RAB11FIP3: variants seen among roughly 807,000 people sequenced by gnomAD.
RAB11FIP3 encodes rab11 family-interacting protein 3.
A neutral mutation model predicts 77.8 loss-of-function variants in RAB11FIP3; 17 were observed. The ratio of observed to expected loss-of-function variants is 0.22; its 90% confidence interval spans 0.15 to 0.33. The LOEUF is 0.33. Among genes scored for constraint, RAB11FIP3 ranks in the 10% least tolerant of loss-of-function variants. RAB11FIP3 has a pLI of 1.00. For missense variants in RAB11FIP3, 1,005 were observed against 1,011.2 expected (o/e 0.99, Z 0.08); for synonymous variants, 437 against 448.2 (o/e 0.98, Z 0.31).
Position 503,005 on chromosome 16 carries a change from T to C in RAB11FIP3, c.1303T>C (p.Tyr435His), listed in dbSNP as rs746807049. ...KRLSSKKVARYLHQSGALTME... is the reference protein window; with the variant it reads ...KRLSSKKVARHLHQSGALTME... ...TCTGTTGTTGTGCCTTTTCTGTAGG[T>C]ACCTGCACCAGTCAGGGGCCCTGAC... The change falls in exon 7 of 14, where the codon TAC (tyrosine) becomes CAC (histidine). Residue 435 changes from tyrosine (Y) to histidine (H), a missense_variant and splice_region_variant. Tyr to His is a moderately conservative substitution (Grantham distance 83). This residue lies in a region of RAB11FIP3 where 433 missense variants were observed against 436.1 expected (regional missense o/e 0.99). Coordinates refer to ENST00000262305, the MANE Select transcript of RAB11FIP3 (RefSeq NM_014700.4). 41 of 1,609,560 alleles carry C rather than the reference T, an allele frequency of 2.5e-5. No individual in the cohort carries two copies. The Admixed American group carries it at 6.8e-4, about 27-fold the overall frequency.
intron 10 of RAB11FIP3, among the ~76,000 whole-genome samples, chr16:519,340 A>C (rs1415053825): frequency 6.6e-6 from 1 of 152,160 alleles, no homozygotes; most frequent in Admixed American, 6.5e-5. Flanking sequence ...TGGGGCTCCC[A>C]CACCCCAGCT....
At chr16:467,894 A>T (rs1358862815) in intron 2 of RAB11FIP3, among the ~76,000 whole-genome samples, 9 of 25,400 alleles carry the variant, frequency 3.5e-4, no homozygotes, top group South Asian at 2.9e-3. Flanking sequence ...GAGGAGGTGC[A>T]GGGGCCTCAG....
chr16:431,667 A>C (rs1452964249), intron 1 of RAB11FIP3, among the ~76,000 whole-genome samples: 1 of 151,830 alleles, frequency 6.6e-6, no homozygotes, highest in Non-Finnish European at 1.5e-5. Flanking sequence ...GAGCCACCGC[A>C]CCTGGCCCAG....
chr16:455,472 CAA>C (rs761319817), intron 1 of RAB11FIP3, among the ~76,000 whole-genome samples: 37 of 113,262 alleles, frequency 3.3e-4, no homozygotes, highest in Admixed American at 1.9e-4. Flanking sequence ...GACTCTGTCT[CAA>C]AAAAAAAAAA....
Position 482,850 on chromosome 16 carries a change from T to C in RAB11FIP3, c.1115+114T>C, listed in dbSNP as rs572274588. On this transcript the variant is annotated intron_variant, in intron 4 of 13. Transcript: ENST00000262305. ...AGTGCGTGCTGGTTAGCATCCATTA[T>C]GTGGGGGTGGGGCTTGGCCCTGCAG... 13 of 1,166,786 alleles carry C rather than the reference T, an allele frequency of 1.1e-5. No homozygotes were observed. The African/African-American group carries it at 1.8e-4, about 16-fold the overall frequency. 72.3% of individuals were successfully genotyped at this position (1,166,786 alleles called of 1,614,324 possible).
At chr16:435,154 G>A (rs1209937867) in intron 1 of RAB11FIP3, among the ~76,000 whole-genome samples, 17 of 150,540 alleles carry the variant, frequency 1.1e-4, no homozygotes, top group Non-Finnish European at 2.2e-4. Context: ...GCAGTGAGTC[G>A]AGATCTTGCC....
chr16:490,588 T>C (rs2030088597), intron 5 of RAB11FIP3, among the ~76,000 whole-genome samples: 1 of 152,162 alleles, frequency 6.6e-6, no homozygotes, highest in African/African-American at 2.4e-5. Context: ...CCACCCAAAG[T>C]GCTGGAATTA....
At chr16:457,216 A>T (rs1256522707) in intron 1 of RAB11FIP3, among the ~76,000 whole-genome samples, 1 of 152,162 alleles carries the variant, frequency 6.6e-6, no homozygotes, top group Non-Finnish European at 1.5e-5. Context: ...CTGGGATCCT[A>T]GTTGACTGTG....
rs1451362349 is a variant in RAB11FIP3 at position 471,301 on chromosome 16, A to G, written c.815A>G (p.Asp272Gly). Residue 272 changes from aspartate to glycine, a missense_variant, in exon 3 of 14, where the codon GAT (aspartate) becomes GGT (glycine). By Grantham distance (94) the Asp-to-Gly change is moderately conservative. This residue lies in a region of RAB11FIP3 where 466 missense variants were observed against 408.3 expected (regional missense o/e 1.14). Coordinates refer to ENST00000262305, the MANE Select transcript of RAB11FIP3 (RefSeq NM_014700.4). The surrounding 1 kb of genome is among the most constrained non-coding windows in gnomAD (Gnocchi z 4.4). Reference sequence around the variant, plus strand: ...CGAGGTCTTCTCCCTGCAGATCCTGATGGCCAGTGCTACGGTGGTGTCGCT... The same window carrying G: ...CGAGGTCTTCTCCCTGCAGATCCTGGTGGCCAGTGCTACGGTGGTGTCGCT... ...GITAIRNGDP[D>G]GQCYGGVASA... The G allele has an allele frequency of 6.2e-7, 1 of 1,613,464 alleles. No individual in the cohort carries two copies. The highest frequency in any genetic ancestry group is 8.5e-7 in the Non-Finnish European group (1 of 1,179,680).
In RAB11FIP3 at chr16:448,664, A is replaced by G. The variant is rs180987185; in HGVS notation, c.715-12740A>G. ...GGCAGGAGAATGGCGTGAACCCAGG[A>G]GGCGGAGCTTGCAGTGAGCCGAGAT... On this transcript the variant is annotated intron_variant, in intron 1 of 13. Coordinates refer to ENST00000262305, the MANE Select transcript of RAB11FIP3 (RefSeq NM_014700.4). 3.1e-4 allele frequency among the ~76,000 whole-genome samples: 46 copies of G among 148,928 alleles called. No homozygotes were observed. In the East Asian group the frequency reaches 9.1e-3, roughly 29 times the overall value.
chr16:492,625 G>C (rs560364767), intron 5 of RAB11FIP3, among the ~76,000 whole-genome samples: 1 of 151,872 alleles, frequency 6.6e-6, no homozygotes, highest in South Asian at 2.1e-4. Flanking sequence ...AGGGGTTCAA[G>C]GCCCGGCGAC....
intron 5 of RAB11FIP3, among the ~76,000 whole-genome samples, chr16:495,669 A>G (rs1267823482): frequency 6.6e-6 from 1 of 152,180 alleles, no homozygotes; most frequent in African/African-American, 2.4e-5. Flanking sequence ...CTCTGTTTCT[A>G]CAGGGCAAGT....
chr16:465,897 G>A (rs529107086), intron 2 of RAB11FIP3, among the ~76,000 whole-genome samples: 11 of 152,174 alleles, frequency 7.2e-5, no homozygotes, highest in Non-Finnish European at 7.3e-5. Flanking sequence ...GAGCCACCGC[G>A]CCCGGCCAGC....
intron 6 of RAB11FIP3, chr16:497,352 T>G (rs1596280598): frequency 7.7e-7 from 1 of 1,303,366 alleles, no homozygotes; most frequent in Admixed American, 2.3e-5. Context: ...TTTATCTTCC[T>G]CCCCTGCCAG....
chr16:460,349 G>A (rs908349571), intron 1 of RAB11FIP3, among the ~76,000 whole-genome samples: 1 of 152,084 alleles, frequency 6.6e-6, no homozygotes, highest in African/African-American at 2.4e-5. Context: ...GGGTACATGT[G>A]TAGGATGTAC....
Position 461,015 on chromosome 16 carries a change from C to T in RAB11FIP3, c.715-389C>T, listed in dbSNP as rs913870084. Among the ~76,000 whole-genome samples, 2 of 152,228 alleles carry T rather than the reference C, an allele frequency of 1.3e-5. No homozygotes were observed. The highest frequency in any genetic ancestry group is 3.2e-3 in the Middle Eastern group (1 of 316). On this transcript the variant is annotated intron_variant, in intron 1 of 13. Coordinates refer to ENST00000262305, the MANE Select transcript of RAB11FIP3 (RefSeq NM_014700.4). This position sits in a 1 kb window ranked among gnomAD's most constrained non-coding sequence, Gnocchi z 4.5. ...TGAAAAAGCCAAGCTCGCGATACAGCCTAATCCCGATTCCCTAAAGCGGCC... is the reference window on the plus strand; with the variant it reads ...TGAAAAAGCCAAGCTCGCGATACAGTCTAATCCCGATTCCCTAAAGCGGCC...
intron 10 of RAB11FIP3, 110 bp from the exon 11 acceptor site, chr16:519,644 A>T: frequency 6.9e-7 from 1 of 1,438,902 alleles, no homozygotes; most frequent in Non-Finnish European, 9.4e-7. Flanking sequence ...CACGGGCGCC[A>T]CCGCGTTGCT....
chr16:432,712 G>T (rs1352044519), intron 1 of RAB11FIP3, among the ~76,000 whole-genome samples: 2 of 149,512 alleles, frequency 1.3e-5, no homozygotes, highest in Non-Finnish European at 3.0e-5. Flanking sequence ...CAATTCTCCT[G>T]CCTCAGACTC....
chr16:518,987 C>G lies in RAB11FIP3; in HGVS notation c.1685C>G (p.Thr562Arg), dbSNP rs146735885. 1.2e-6 allele frequency: 2 copies of G among 1,613,668 alleles called. No homozygotes were observed. The highest frequency in any genetic ancestry group is 2.2e-5 in the South Asian group (2 of 91,086). The change falls in exon 10 of 14, where the codon ACG becomes AGG. Residue 562 changes from threonine to arginine, a missense_variant. By Grantham distance (71) the Thr-to-Arg change is moderately conservative. Around this residue, in one of 4 missense-constraint regions of RAB11FIP3, gnomAD observed 433 missense variants for 436.1 expected, o/e 0.99. Coordinates refer to ENST00000262305, the MANE Select transcript of RAB11FIP3 (RefSeq NM_014700.4). ...DEENSELRSCTPCLKANIERL... is the reference protein window; with the variant it reads ...DEENSELRSCRPCLKANIERL... Reference sequence around the variant, plus strand: ...GAGAACAGTGAACTCCGGTCCTGCACGCCCTGTCTGAAGGCCAACATTGAG... The same window carrying G: ...GAGAACAGTGAACTCCGGTCCTGCAGGCCCTGTCTGAAGGCCAACATTGAG...
Sources: allele counts gnomAD v4.1 joint callset (sites outside exome capture counted in the v4.1 genomes callset), GRCh38; gene constraint gnomAD v4.1.1; regional missense constraint gnomAD v4.1.1; non-coding constraint Gnocchi (gnomAD v3.1); transcripts MANE v1.5; gene names NCBI Gene and HGNC (gene_info 2026-07-23, HGNC 2026-07-21).